The following ZNF385B variants were observed in gnomAD, a reference collection of about 807,000 sequenced individuals.
The protein encoded by ZNF385B is zinc finger protein 385B.
ZNF385B carries 23 observed loss-of-function variants against 39.2 expected under a neutral mutation model. The ratio of observed to expected loss-of-function variants is 0.59; its 90% confidence interval spans 0.42 to 0.83. The LOEUF (loss-of-function observed/expected upper bound fraction) is 0.83. Among genes scored for constraint, ZNF385B ranks in the 40% least tolerant of loss-of-function variants. The pLI is 0.00. For missense variants in ZNF385B, 552 were observed against 598.9 expected, an observed-to-expected ratio of 0.92 and a Z score of 0.82; for synonymous variants, 205 against 222.6, an observed-to-expected ratio of 0.92 and a Z score of 0.70.
At chr2:179,447,980 T>G (rs1232996274) in intron 6 of ZNF385B, among the ~76,000 whole-genome samples, 1 of 14,494 alleles carries the variant, frequency 6.9e-5, no homozygotes, top group Non-Finnish European at 1.2e-4. Flanking sequence ...TTTCCATCCT[T>G]TTTTTTTTTT....
intron 3 of ZNF385B, among the ~76,000 whole-genome samples, chr2:179,754,345 T>C (rs1011019159): frequency 1.3e-5 from 2 of 152,240 alleles, no homozygotes; most frequent in African/African-American, 2.4e-5. Flanking sequence ...CAGTATTTTA[T>C]TGAGGATTTT....
At chr2:179,784,041 T>G (rs1704836461) in intron 1 of ZNF385B, among the ~76,000 whole-genome samples, 1 of 152,110 alleles carries the variant, frequency 6.6e-6, no homozygotes, top group Non-Finnish European at 1.5e-5. Flanking sequence ...ACTGCAACAC[T>G]ATTCACAATA....
chr2:179,700,292 G>A (rs1217223881), intron 3 of ZNF385B, among the ~76,000 whole-genome samples: 2 of 152,158 alleles, frequency 1.3e-5, no homozygotes, highest in African/African-American at 4.8e-5. Context: ...GTCCTCACAG[G>A]TCACGTTTAT....
chr2:179,735,285 T>G (rs1701671996), intron 3 of ZNF385B, among the ~76,000 whole-genome samples: 1 of 149,220 alleles, frequency 6.7e-6, no homozygotes. Context: ...GAAAAATTGC[T>G]CATCATCACT....
chr2:179,547,022 T>A (rs2060279510), intron 3 of ZNF385B, among the ~76,000 whole-genome samples: 1 of 149,990 alleles, frequency 6.7e-6, no homozygotes, highest in Admixed American at 6.6e-5. Context: ...CATTTGTATG[T>A]CTTCTTTTGA....
intron 1 of ZNF385B, among the ~76,000 whole-genome samples, chr2:179,799,984 A>G (rs1394142256): frequency 6.6e-6 from 1 of 152,132 alleles, no homozygotes; most frequent in Non-Finnish European, 1.5e-5. Flanking sequence ...AACATGCTTC[A>G]GAATTTTGAT....
chr2:179,750,173 G>A (rs1486596504), intron 3 of ZNF385B, among the ~76,000 whole-genome samples: 1 of 152,060 alleles, frequency 6.6e-6, no homozygotes, highest in East Asian at 1.9e-4. Flanking sequence ...GAAAACGGCT[G>A]GAGCTCTGTC....
chr2:179,544,266 T>C (rs2060093637), intron 4 of ZNF385B, among the ~76,000 whole-genome samples: 1 of 152,228 alleles, frequency 6.6e-6, no homozygotes, highest in Non-Finnish European at 1.5e-5. Flanking sequence ...TTTTAAAATG[T>C]CAAAGTGTCT....
At chr2:179,733,822 A>C (rs1362207533) in intron 3 of ZNF385B, among the ~76,000 whole-genome samples, 1 of 150,968 alleles carries the variant, frequency 6.6e-6, no homozygotes, top group Non-Finnish European at 1.5e-5. Context: ...TATAATAGTT[A>C]AATATAAGTC....
At chr2:179,838,118 C>T (rs1708350658) in intron 1 of ZNF385B, among the ~76,000 whole-genome samples, 1 of 152,134 alleles carries the variant, frequency 6.6e-6, no homozygotes, top group Non-Finnish European at 1.5e-5. Flanking sequence ...CTCTGGAATA[C>T]AGAGGTGAAT....
At chr2:179,745,480 G>A (rs1702324138) in intron 3 of ZNF385B, among the ~76,000 whole-genome samples, 1 of 152,158 alleles carries the variant, frequency 6.6e-6, no homozygotes, top group East Asian at 1.9e-4. Context: ...AGATGTCCTC[G>A]GCAAACAGCT....
At position 179,679,601 on chromosome 2, in the gene ZNF385B, ATTGTTGTTGTTGTTG is replaced by A. The variant is rs71401757; in HGVS notation, c.298+89887_298+89901del. ...ATTTTATTTCTTATTAACAGCTATT[ATTGTTGTTGTTGTTG>A]TTGTTGTTGTTGTTGTTGTTGTTAT... On this transcript the variant is annotated intron_variant, in intron 3 of 9. Transcript: ENST00000410066. 1.8e-3 allele frequency among the ~76,000 whole-genome samples: 265 copies of A among 150,374 alleles called. 3 individuals carry two copies. Among genetic ancestry groups the A allele is most frequent in the African/African-American group, 5.5e-3 (225 of 40,920 alleles).
intron 1 of ZNF385B, among the ~76,000 whole-genome samples, chr2:179,782,268 T>C (rs1168498306): frequency 6.6e-6 from 1 of 152,192 alleles, no homozygotes; most frequent in Non-Finnish European, 1.5e-5. Flanking sequence ...GAAAAGGGTT[T>C]TGATAAACTT....
intron 3 of ZNF385B, among the ~76,000 whole-genome samples, chr2:179,557,516 G>A (rs979367545): frequency 1.4e-5 from 2 of 145,570 alleles, no homozygotes; most frequent in African/African-American, 5.1e-5. Flanking sequence ...ATATATACAT[G>A]TTATATGTGT....
intron 3 of ZNF385B, among the ~76,000 whole-genome samples, chr2:179,643,209 T>G (rs1174871081): frequency 7.1e-6 from 1 of 141,758 alleles, no homozygotes; most frequent in African/African-American, 2.6e-5. Flanking sequence ...ACAGTGAGCC[T>G]GACAACCTCT....
chr2:179,696,596 C>T (rs1246437833), intron 3 of ZNF385B, among the ~76,000 whole-genome samples: 1 of 151,852 alleles, frequency 6.6e-6, no homozygotes, highest in African/African-American at 2.4e-5. Flanking sequence ...GCACAGTAGC[C>T]CCTAGGCTAC....
rs1682592656 is a variant in ZNF385B at position 179,523,260 on chromosome 2, T to C, written c.442-4622A>G. Among the ~76,000 whole-genome samples the C allele has an allele frequency of 2.6e-5, 4 of 151,934 alleles. No individual in the cohort carries two copies. In the South Asian group the frequency reaches 6.2e-4, roughly 24 times the overall value. On this transcript the variant is annotated intron_variant, in intron 4 of 9. Coordinates refer to ENST00000410066, the MANE Select transcript of ZNF385B (RefSeq NM_152520.6). The stretch of plus-strand genomic sequence containing the variant: ...AAACAAATTAATGAAGCTGGCCTTA[T>C]ATCATCTATCATATTTTCAATATCA...
intron 4 of ZNF385B, among the ~76,000 whole-genome samples, chr2:179,530,787 C>T (rs1055492012): frequency 5.3e-5 from 8 of 152,154 alleles, no homozygotes; most frequent in African/African-American, 1.9e-4. Flanking sequence ...CTTACCCTTT[C>T]ACTAAGAAGA....
chr2:179,683,319 G>C (rs1030900071), intron 3 of ZNF385B, among the ~76,000 whole-genome samples: 1 of 151,966 alleles, frequency 6.6e-6, no homozygotes, highest in Admixed American at 6.6e-5. Context: ...GAACCTGGGA[G>C]GTGGAGGTTT....
Sources: gnomAD v4.1 joint callset for allele counts (sites outside exome capture counted in the v4.1 genomes callset) on GRCh38, gnomAD v4.1.1 for gene constraint, MANE v1.5 for transcripts, NCBI Gene and HGNC (gene_info 2026-07-23, HGNC 2026-07-21) for gene names.